Variants in APBB2 observed in about 807,000 individuals in gnomAD.
The protein encoded by APBB2 is amyloid beta precursor protein binding family B member 2, also known as Fe65-like 1.
APBB2 carries 38 observed loss-of-function variants against 82.5 expected under a neutral mutation model. That is an observed-to-expected ratio of 0.46 (90% CI 0.36 to 0.60). APBB2 has a LOEUF of 0.60. Ranked by LOEUF, APBB2 falls within the 20% of genes least tolerant of loss-of-function variation. APBB2 has a pLI of 0.00. For synonymous variants in APBB2, 341 were observed against 368.2 expected, an observed-to-expected ratio of 0.93 and a Z score of 0.85; for missense variants, 772 against 972.3, an observed-to-expected ratio of 0.79 and a Z score of 2.74.
chr4:41,006,752 C>T (rs1301328532), intron 6 of APBB2, among the ~76,000 whole-genome samples: 1 of 152,114 alleles, frequency 6.6e-6, no homozygotes, highest in Non-Finnish European at 1.5e-5. Flanking sequence ...AGGTGTGAGC[C>T]ACCGCGCCCA....
chr4:40,932,676 G>A (rs1174092857), intron 10 of APBB2, among the ~76,000 whole-genome samples: 4 of 152,166 alleles, frequency 2.6e-5, no homozygotes, highest in Admixed American at 6.5e-5. Context: ...AGGTGCTGAA[G>A]TAGACAAGGT....
intron 8 of APBB2, 51 bp downstream of exon 8, chr4:40,935,026 A>G: frequency 7.3e-7 from 1 of 1,369,506 alleles, no homozygotes; most frequent in Non-Finnish European, 1.0e-6. Flanking sequence ...AGCCACAGCC[A>G]TGCAGAAAGG....
chr4:40,828,245 T>C (rs1750627360), intron 13 of APBB2, among the ~76,000 whole-genome samples: 1 of 152,246 alleles, frequency 6.6e-6, no homozygotes, highest in African/African-American at 2.4e-5. Flanking sequence ...TAAGGGACAC[T>C]GATGTCTGCT....
At chr4:41,079,625 T>G (rs554512898) in intron 3 of APBB2, among the ~76,000 whole-genome samples, 2 of 151,674 alleles carry the variant, frequency 1.3e-5, no homozygotes, top group African/African-American at 4.8e-5. Context: ...CTCGGCTCAC[T>G]GCAACCTCCA....
chr4:41,055,290 C>T (rs1440825014), intron 4 of APBB2, among the ~76,000 whole-genome samples: 1 of 152,236 alleles, frequency 6.6e-6, no homozygotes, highest in Non-Finnish European at 1.5e-5. Context: ...TCCTCCATAG[C>T]AGGTACCATG....
intron 10 of APBB2, among the ~76,000 whole-genome samples, chr4:40,912,973 G>A (rs925942617): frequency 5.3e-5 from 8 of 152,222 alleles, no homozygotes; most frequent in Middle Eastern, 3.2e-3. Flanking sequence ...CCTGAGGTCC[G>A]CATGGCTGAT....
chr4:40,816,574 G>C (rs1397140529), intron 17 of APBB2, among the ~76,000 whole-genome samples: 1 of 152,220 alleles, frequency 6.6e-6, no homozygotes, highest in Non-Finnish European at 1.5e-5. Context: ...AAAGGATTGG[G>C]AGAGAGTGTG....
intron 4 of APBB2, among the ~76,000 whole-genome samples, chr4:41,063,867 C>T (rs527564775): frequency 6.7e-5 from 10 of 149,334 alleles, no homozygotes; most frequent in Admixed American, 5.4e-4. Context: ...TTTGTAGAGA[C>T]AGGGTTTCAT....
At chr4:40,839,210 TGGGACTACAGG>T in intron 12 of APBB2, among the ~76,000 whole-genome samples, 1 of 152,200 alleles carries the variant, frequency 6.6e-6, no homozygotes, top group East Asian at 1.9e-4. Flanking sequence ...CCCAAGTAGC[TGGGACTACAGG>T]CATGTGCCAC....
chr4:40,874,442 T>C (rs1414681081), intron 12 of APBB2, among the ~76,000 whole-genome samples: 3 of 152,188 alleles, frequency 2.0e-5, no homozygotes, highest in African/African-American at 4.8e-5. Context: ...TACAACTGTA[T>C]TGACTGAATG....
intron 1 of APBB2, among the ~76,000 whole-genome samples, chr4:41,170,381 A>C (rs1201797287): frequency 6.6e-6 from 1 of 152,236 alleles, no homozygotes; most frequent in Admixed American, 6.5e-5. Context: ...ACATTGGCTC[A>C]AGTTTCACAT....
At chr4:41,095,665 G>T (rs1044287299) in intron 3 of APBB2, among the ~76,000 whole-genome samples, 6 of 152,212 alleles carry the variant, frequency 3.9e-5, no homozygotes, top group Admixed American at 1.3e-4. Flanking sequence ...ACAGCTTGAT[G>T]ACAAGTGTGC....
intron 3 of APBB2, among the ~76,000 whole-genome samples, chr4:41,095,962 C>T (rs974267707): frequency 6.6e-6 from 1 of 152,222 alleles, no homozygotes; most frequent in African/African-American, 2.4e-5. Flanking sequence ...CCACTCTGTT[C>T]TCCACGCTCC....
chr4:40,821,215 G>T (rs746237784), intron 17 of APBB2, among the ~76,000 whole-genome samples: 49 of 152,168 alleles, frequency 3.2e-4, no homozygotes, highest in Non-Finnish European at 7.3e-5. Flanking sequence ...CATAAGAGGG[G>T]CACAAAGACA....
intron 6 of APBB2, among the ~76,000 whole-genome samples, chr4:41,001,235 G>A (rs1353937631): frequency 6.6e-6 from 1 of 152,126 alleles, no homozygotes; most frequent in Non-Finnish European, 1.5e-5. Context: ...ACATTTTGGG[G>A]AAAGGTTCTA....
chr4:40,952,889 G>A (rs1031783470), intron 6 of APBB2, among the ~76,000 whole-genome samples: 2 of 152,184 alleles, frequency 1.3e-5, no homozygotes, highest in Non-Finnish European at 2.9e-5. Flanking sequence ...GGAGCTTGTG[G>A]TTTGTCATAG....
chr4:40,861,757 G>A (rs1762813690), intron 12 of APBB2, among the ~76,000 whole-genome samples: 1 of 152,140 alleles, frequency 6.6e-6, no homozygotes, highest in Admixed American at 6.6e-5. Context: ...CTAATTCTCT[G>A]ATAAATATGG....
Position 40,826,118 on chromosome 4 carries a change from C to T in APBB2, c.1733-148G>A. On this transcript the variant is annotated intron_variant, in intron 14 of 17. Coordinates refer to ENST00000508593, the MANE Select transcript of APBB2 (RefSeq NM_004307.2). This position sits in a 1 kb window ranked among gnomAD's most constrained non-coding sequence, Gnocchi z 4.5. ...GGATGTAAATGTAACAACTATTCTA[C>T]AAGAGCAGCATTACTCCAGATATTG... 1 of 658,438 alleles carries T rather than the reference C, an allele frequency of 1.5e-6. No homozygotes were observed. The highest frequency in any genetic ancestry group is 2.7e-5 in the East Asian group (1 of 36,384). 40.8% of individuals were successfully genotyped at this position (658,438 alleles called of 1,614,324 possible). A position where few individuals can be genotyped will look rare whatever the true frequency, so the allele number is the denominator to read the frequency against.
intron 4 of APBB2, among the ~76,000 whole-genome samples, chr4:41,033,519 T>C (rs1393577684): frequency 6.6e-6 from 1 of 151,850 alleles, no homozygotes; most frequent in African/African-American, 2.4e-5. Context: ...AAACATTTAT[T>C]GAGGATTTTT....
Sources: gnomAD v4.1 joint callset for allele counts (sites outside exome capture counted in the v4.1 genomes callset) on GRCh38, gnomAD v4.1.1 for gene constraint, Gnocchi (gnomAD v3.1) non-coding constraint, MANE v1.5 for transcripts, NCBI Gene and HGNC (gene_info 2026-07-23, HGNC 2026-07-21) for gene names.